DSCAM: variants seen among roughly 807,000 people sequenced by gnomAD.
DSCAM encodes DS cell adhesion molecule.
In DSCAM, 47 loss-of-function variants were observed where a neutral mutation model predicts 217.7. The observed-to-expected ratio is 0.22, with a 90% CI of 0.17 to 0.28. DSCAM has a LOEUF of 0.28. Ranked by LOEUF, DSCAM falls within the 10% of genes least tolerant of loss-of-function variation. The probability of loss-of-function intolerance (pLI) is 1.00; values close to 1 mark genes in which losing one functional copy is unlikely to be tolerated. For missense variants in DSCAM, 2,080 were observed against 2,618.3 expected (o/e 0.79, Z 4.49); for synonymous variants, 1,056 against 1,015.3 (o/e 1.04, Z -0.76).
At chr21:40,655,446 CT>C (rs376852214) in intron 3 of DSCAM, among the ~76,000 whole-genome samples, 178 of 138,760 alleles carry the variant, frequency 1.3e-3, no homozygotes, top group Admixed American at 1.4e-3. Context: ...ATCTGTCTCT[CT>C]TTTTTTTTTT....
intron 32 of DSCAM, among the ~76,000 whole-genome samples, chr21:40,037,861 T>C (rs201533405): frequency 0.074 from 8,966 of 121,060 alleles, 315 homozygotes; most frequent in Middle Eastern, 0.11. Context: ...GAAATAATGC[T>C]GCATATCTAC....
chr21:40,542,568 T>G (rs1309221029), intron 3 of DSCAM, among the ~76,000 whole-genome samples: 1 of 152,188 alleles, frequency 6.6e-6, no homozygotes, highest in Non-Finnish European at 1.5e-5. Flanking sequence ...AGCTTATTCT[T>G]CAGCTCTGCT....
intron 3 of DSCAM, among the ~76,000 whole-genome samples, chr21:40,620,750 C>A (rs147240746): frequency 2.0e-4 from 30 of 152,288 alleles, no homozygotes; most frequent in African/African-American, 7.0e-4. Flanking sequence ...TATTTATCAT[C>A]CAATTCAGAA....
intron 16 of DSCAM, among the ~76,000 whole-genome samples, chr21:40,158,928 T>G (rs78896744): frequency 6.6e-6 from 1 of 152,214 alleles, no homozygotes; most frequent in Admixed American, 6.5e-5. Context: ...TTTAAAAATG[T>G]TATGGGCTAT....
intron 4 of DSCAM, among the ~76,000 whole-genome samples, chr21:40,362,941 T>C (rs1043527788): frequency 6.6e-6 from 1 of 152,210 alleles, no homozygotes; most frequent in Non-Finnish European, 1.5e-5. Flanking sequence ...TGTGCAAGCA[T>C]CACTGCTGAT....
intron 3 of DSCAM, among the ~76,000 whole-genome samples, chr21:40,586,524 T>G (rs767530558): frequency 7.9e-5 from 12 of 152,298 alleles, no homozygotes; most frequent in Non-Finnish European, 1.5e-4. Flanking sequence ...CTCCTCAAAC[T>G]TCATTTGCAT....
At chr21:40,328,737 G>A (rs999642901) in intron 8 of DSCAM, among the ~76,000 whole-genome samples, 3 of 152,044 alleles carry the variant, frequency 2.0e-5, no homozygotes, top group East Asian at 1.9e-4. Context: ...TTTGCAAACC[G>A]TACATCTGAT....
At chr21:40,780,441 A>ATATATATATATATATC (rs1407749651) in intron 1 of DSCAM, among the ~76,000 whole-genome samples, 1 of 141,318 alleles carries the variant, frequency 7.1e-6, no homozygotes, top group Non-Finnish European at 1.6e-5. Context: ...ATATATATAT[A>ATATATATATATATATC]TATATATCTC....
intron 1 of DSCAM, among the ~76,000 whole-genome samples, chr21:40,753,184 G>C (rs1292260660): frequency 6.6e-6 from 1 of 152,200 alleles, no homozygotes; most frequent in Non-Finnish European, 1.5e-5. Flanking sequence ...CATTTGGAGA[G>C]AGTATCTGCA....
chr21:40,679,171 G>T (rs7277207), intron 3 of DSCAM, among the ~76,000 whole-genome samples: 3 of 151,836 alleles, frequency 2.0e-5, no homozygotes, highest in East Asian at 1.9e-4. Flanking sequence ...AAAAAATATA[G>T]AAAAGCAAAA....
intron 4 of DSCAM, among the ~76,000 whole-genome samples, chr21:40,368,213 A>G (rs1198273676): frequency 1.3e-5 from 2 of 152,120 alleles, no homozygotes; most frequent in Non-Finnish European, 2.9e-5. Flanking sequence ...CCATTAGAAA[A>G]TTTCTCTTTA....
intron 3 of DSCAM, among the ~76,000 whole-genome samples, chr21:40,374,738 G>C (rs1175719167): frequency 1.3e-5 from 2 of 152,186 alleles, no homozygotes; most frequent in African/African-American, 4.8e-5. Flanking sequence ...GTGATTATAA[G>C]GGTGGGACCA....
intron 3 of DSCAM, among the ~76,000 whole-genome samples, chr21:40,546,326 C>T (rs771027835): frequency 1.4e-4 from 21 of 152,328 alleles, no homozygotes; most frequent in Non-Finnish European, 2.8e-4. Flanking sequence ...AAAGGGCCAC[C>T]GCCCAGTCAG....
intron 3 of DSCAM, among the ~76,000 whole-genome samples, chr21:40,645,092 C>A (rs1453215128): frequency 6.6e-6 from 1 of 152,136 alleles, no homozygotes; most frequent in Non-Finnish European, 1.5e-5. Flanking sequence ...CTAGCACAGC[C>A]TAGAAAGAGC....
chr21:40,749,968 C>T (rs2091212082), intron 1 of DSCAM, among the ~76,000 whole-genome samples: 1 of 151,624 alleles, frequency 6.6e-6, no homozygotes, highest in African/African-American at 2.4e-5. Context: ...AGACATGTTA[C>T]CCAGGCTGGA....
At chr21:40,338,726 ACTCT>A (rs1569071928) in intron 7 of DSCAM, among the ~76,000 whole-genome samples, 1 of 152,006 alleles carries the variant, frequency 6.6e-6, no homozygotes, top group East Asian at 1.9e-4. Context: ...CAATTGTTTA[ACTCT>A]CTCTGTAAAA....
intron 1 of DSCAM, among the ~76,000 whole-genome samples, chr21:40,744,378 A>G (rs1027433584): frequency 4.6e-5 from 7 of 152,192 alleles, no homozygotes; most frequent in Admixed American, 2.0e-4. Flanking sequence ...ATCGGCAGGA[A>G]GGTCTGAATC....
At chr21:40,475,611 T>A (rs1310820250) in intron 3 of DSCAM, among the ~76,000 whole-genome samples, 1 of 152,160 alleles carries the variant, frequency 6.6e-6, no homozygotes, top group Non-Finnish European at 1.5e-5. Context: ...GGCAGGCAGA[T>A]CACAAGGTCA....
intron 3 of DSCAM, among the ~76,000 whole-genome samples, chr21:40,581,782 G>C (rs1264638862): frequency 6.6e-6 from 1 of 152,060 alleles, no homozygotes; most frequent in Non-Finnish European, 1.5e-5. Context: ...GTAATTCATG[G>C]CTACGAGTTT....
Sources: allele counts gnomAD v4.1 joint callset (sites outside exome capture counted in the v4.1 genomes callset), GRCh38; gene constraint gnomAD v4.1.1; transcripts MANE v1.5; gene names NCBI Gene and HGNC (gene_info 2026-07-23, HGNC 2026-07-21).